PPFIA2: variants seen among roughly 807,000 people sequenced by gnomAD.
PPFIA2 encodes liprin-alpha-2.
A neutral mutation model predicts 175.5 loss-of-function variants in PPFIA2; 46 were observed. The observed-to-expected ratio is 0.26, with a 90% CI of 0.21 to 0.34. The LOEUF is 0.34. Among genes scored for constraint, PPFIA2 ranks in the 10% least tolerant of loss-of-function variants. PPFIA2 has a pLI of 1.00. For missense variants in PPFIA2, 1,179 were observed against 1,506.1 expected (o/e 0.78, Z 3.60); for synonymous variants, 568 against 511.4 (o/e 1.11, Z -1.49).
In PPFIA2 at chr12:81,430,237, T is replaced by C. The variant is rs184862161; in HGVS notation, c.645+9735A>G. On this transcript the variant is annotated intron_variant, in intron 7 of 32. Coordinates refer to ENST00000549396, the MANE Select transcript of PPFIA2 (RefSeq NM_003625.5). ...TCAATGGCTATAAGCATTTTCAATT[T>C]TGTCCCATTATAACAAGGCTGTCAC... 82 of 152,208 alleles carry C rather than the reference T, an allele frequency of 5.4e-4. 1 individual carries two copies. The highest frequency in any genetic ancestry group is 1.9e-3 in the African/African-American group (81 of 41,568). 9.4% of individuals were successfully genotyped at this position (152,208 alleles called of 1,614,324 possible). A position where few individuals can be genotyped will look rare whatever the true frequency, so the allele number is the denominator to read the frequency against.
chr12:81,443,136 C>T (rs997057782), intron 6 of PPFIA2, among the ~76,000 whole-genome samples: 5 of 151,648 alleles, frequency 3.3e-5, no homozygotes, highest in Admixed American at 1.3e-4. Context: ...TATTCATAAA[C>T]GTTCACTAAG....
chr12:81,308,554 G>T (rs1464876059), intron 22 of PPFIA2, among the ~76,000 whole-genome samples: 1 of 152,148 alleles, frequency 6.6e-6, no homozygotes, highest in African/African-American at 2.4e-5. Context: ...ACTGAAAAAT[G>T]AGGATAATAG....
chr12:81,701,305 T>A (rs904142370), intron 3 of PPFIA2, among the ~76,000 whole-genome samples: 1 of 152,144 alleles, frequency 6.6e-6, no homozygotes, highest in African/African-American at 2.4e-5. Flanking sequence ...TCATTACAGG[T>A]GGGAAGTTGA....
chr12:81,602,727 C>G (rs2153457478), intron 4 of PPFIA2, among the ~76,000 whole-genome samples: 1 of 151,796 alleles, frequency 6.6e-6, no homozygotes, highest in Admixed American at 6.6e-5. Context: ...TAATGCGACA[C>G]AGTTAAGATT....
intron 5 of PPFIA2, among the ~76,000 whole-genome samples, chr12:81,451,767 T>C (rs2052628088): frequency 6.6e-6 from 1 of 152,190 alleles, no homozygotes; most frequent in Admixed American, 6.5e-5. Flanking sequence ...TAAACATCAA[T>C]TATTCAGATT....
intron 3 of PPFIA2, among the ~76,000 whole-genome samples, chr12:81,678,414 G>C (rs2072992618): frequency 6.6e-6 from 1 of 151,782 alleles, no homozygotes; most frequent in Non-Finnish European, 1.5e-5. Context: ...AACGTTCAAG[G>C]AAGGGGACAG....
intron 4 of PPFIA2, among the ~76,000 whole-genome samples, chr12:81,676,376 T>G (rs534598352): frequency 7.0e-4 from 107 of 152,128 alleles, no homozygotes; most frequent in African/African-American, 2.4e-3. Context: ...TCCTGGAAGC[T>G]TCCTGAATTA....
At chr12:81,349,603 T>C (rs2059666150) in intron 17 of PPFIA2, among the ~76,000 whole-genome samples, 1 of 150,076 alleles carries the variant, frequency 6.7e-6, no homozygotes, top group Non-Finnish European at 1.5e-5. Flanking sequence ...TTTTGTACTT[T>C]TAAAATACTT....
At chr12:81,352,088 T>C (rs937684907) in intron 17 of PPFIA2, among the ~76,000 whole-genome samples, 4 of 152,082 alleles carry the variant, frequency 2.6e-5, no homozygotes, top group African/African-American at 9.7e-5. Flanking sequence ...TGCTATGAAC[T>C]GAATTTTATC....
intron 9 of PPFIA2, among the ~76,000 whole-genome samples, chr12:81,379,012 T>C (rs1229002440): frequency 6.6e-6 from 1 of 152,148 alleles, no homozygotes; most frequent in African/African-American, 2.4e-5. Context: ...TTAATTACTA[T>C]TATGTACACA....
chr12:81,423,923 A>T (rs2046722877), intron 7 of PPFIA2, among the ~76,000 whole-genome samples: 1 of 152,178 alleles, frequency 6.6e-6, no homozygotes, highest in Non-Finnish European at 1.5e-5. Context: ...ATCAACATTC[A>T]AAAATTAGTT....
intron 11 of PPFIA2, among the ~76,000 whole-genome samples, chr12:81,370,128 G>C (rs2034673539): frequency 6.6e-6 from 1 of 151,754 alleles, no homozygotes; most frequent in Admixed American, 6.6e-5. Flanking sequence ...GGAAACAGTA[G>C]TTTCACAATG....
chr12:81,714,260 C>A (rs2078306553), intron 3 of PPFIA2, among the ~76,000 whole-genome samples: 1 of 150,530 alleles, frequency 6.6e-6, no homozygotes, highest in Non-Finnish European at 1.5e-5. Flanking sequence ...GAAGGTAGAG[C>A]AAAGATGATT....
chr12:81,314,507 A>T lies in PPFIA2; in HGVS notation c.2642+11270T>A, dbSNP rs2051826234. On this transcript the variant is annotated intron_variant, in intron 22 of 32. Transcript: ENST00000549396. ...CCATCTAATGAATGAGATCAGATCC[A>T]ATTATTGACATTATGTTTTCCTTGC... Among the ~76,000 whole-genome samples the T allele has an allele frequency of 2.6e-5, 4 of 151,934 alleles. No individual in the cohort carries two copies. In the South Asian group the frequency reaches 8.3e-4, roughly 31 times the overall value.
intron 7 of PPFIA2, chr12:81,425,039 TATG>T (rs2046902506): frequency 6.6e-6 from 1 of 152,214 alleles, no homozygotes; most frequent in East Asian, 1.9e-4. Flanking sequence ...ATTTACTAAC[TATG>T]TAATTCAGGT....
chr12:81,447,867 T>G (rs2051609045), intron 5 of PPFIA2, among the ~76,000 whole-genome samples: 1 of 152,166 alleles, frequency 6.6e-6, no homozygotes, highest in Non-Finnish European at 1.5e-5. Context: ...AGATTTGGCC[T>G]ATATGAAAGC....
At chr12:81,680,931 A>G (rs1246863613) in intron 3 of PPFIA2, among the ~76,000 whole-genome samples, 2 of 151,960 alleles carry the variant, frequency 1.3e-5, no homozygotes, top group African/African-American at 4.8e-5. Flanking sequence ...TATAATCTTG[A>G]TAGTGAGCAC....
intron 4 of PPFIA2, among the ~76,000 whole-genome samples, chr12:81,669,208 G>T (rs2070947363): frequency 1.3e-5 from 2 of 151,602 alleles, no homozygotes; most frequent in Non-Finnish European, 2.9e-5. Flanking sequence ...GATTTTGTAA[G>T]TTTTTTTTCA....
chr12:81,757,678 G>A (rs1485280845), intron 2 of PPFIA2, among the ~76,000 whole-genome samples: 4 of 152,080 alleles, frequency 2.6e-5, no homozygotes, highest in African/African-American at 7.2e-5. Flanking sequence ...AATGCCCACT[G>A]GAGTCCTCAC....
Sources: allele counts gnomAD v4.1 joint callset (sites outside exome capture counted in the v4.1 genomes callset), GRCh38; gene constraint gnomAD v4.1.1; transcripts MANE v1.5; gene names NCBI Gene and HGNC (gene_info 2026-07-23, HGNC 2026-07-21).